RTN4: variants seen among roughly 807,000 people sequenced by gnomAD.
The protein encoded by RTN4 is reticulon-4.
In RTN4, 32 loss-of-function variants were observed where a neutral mutation model predicts 90.4. The observed-to-expected ratio is 0.35, with a 90% CI of 0.27 to 0.48. The LOEUF (loss-of-function observed/expected upper bound fraction) is 0.48, where lower values mean the gene tolerates loss of function less well. Ranked by LOEUF, RTN4 falls within the 20% of genes least tolerant of loss-of-function variation. RTN4 has a pLI of 0.99. For missense variants in RTN4, 1,706 were observed against 1,430.2 expected (o/e 1.19, Z -3.11); for synonymous variants, 629 against 552.5 (o/e 1.14, Z -1.94).
chr2:54,985,794 T>C (rs1678513762), intron 4 of RTN4, among the ~76,000 whole-genome samples: 1 of 152,216 alleles, frequency 6.6e-6, no homozygotes, highest in African/African-American at 2.4e-5. Context: ...CTGGATCATG[T>C]TGTAGGTAGG....
In RTN4 at chr2:54,976,192, G is replaced by C. The variant is rs3754767; in HGVS notation, c.3361-1428C>G. 3.2e-4 allele frequency among the ~76,000 whole-genome samples: 48 copies of C among 152,300 alleles called. 1 individual carries two copies. The East Asian group carries it at 8.7e-3, about 28-fold the overall frequency. On this transcript the variant is annotated intron_variant, in intron 5 of 8. Transcript: ENST00000337526. Reference sequence around the variant, plus strand: ...GATGCCCTTAACATGACAGAAGATAGTAACAAACACAAGCTAAAATAACTC... The same window carrying C: ...GATGCCCTTAACATGACAGAAGATACTAACAAACACAAGCTAAAATAACTC...
rs1558865053 is a variant in RTN4 at position 55,066,192 on chromosome 2, T to TG, written c.-63+14296_-63+14297insC. ...ATTTGTGTGTGTGTGTGTGTGTGTG[T>TG]TTGTGTGTGTGTGTGTGTGTGTGTG... On this transcript the variant is annotated intron_variant, in intron 2 of 3. Transcript: ENST00000427710. Among the ~76,000 whole-genome samples, 300 of 135,614 alleles carry TG rather than the reference T, an allele frequency of 2.2e-3. 2 individuals carry two copies. Among genetic ancestry groups the TG allele is most frequent in the Middle Eastern group, 3.6e-3 (1 of 280 alleles). 89.0% of individuals were successfully genotyped at this position (135,614 alleles called of 152,430 possible).
At chr2:55,109,929 A>C (rs1668006766) in intron 1 of RTN4, among the ~76,000 whole-genome samples, 1 of 152,216 alleles carries the variant, frequency 6.6e-6, no homozygotes, top group South Asian at 2.1e-4. Flanking sequence ...CTCTCTTCCA[A>C]AAAAGAGTGG....
At chr2:54,985,585 AAT>A (rs1678495155) in intron 4 of RTN4, among the ~76,000 whole-genome samples, 1 of 152,236 alleles carries the variant, frequency 6.6e-6, no homozygotes, top group Admixed American at 6.5e-5. Context: ...AACTTATTAA[AAT>A]ATGTACATAA....
intron 3 of RTN4, among the ~76,000 whole-genome samples, chr2:54,995,956 G>A (rs1028694718): frequency 1.3e-5 from 2 of 152,040 alleles, no homozygotes; most frequent in Non-Finnish European, 2.9e-5. Context: ...TCTGTTGTAT[G>A]TATTTTAAAA....
chr2:55,044,981 T>G (rs1425855959), intron 1 of RTN4, among the ~76,000 whole-genome samples: 1 of 152,148 alleles, frequency 6.6e-6, no homozygotes, highest in African/African-American at 2.4e-5. Flanking sequence ...ATGACTTTCT[T>G]GTGTTTAGAA....
intron 2 of RTN4, among the ~76,000 whole-genome samples, chr2:55,056,866 C>G (rs1460185808): frequency 6.6e-6 from 1 of 152,082 alleles, no homozygotes; most frequent in African/African-American, 2.4e-5. Flanking sequence ...AAACTCAGGC[C>G]TATGTAACAA....
At chr2:55,021,524 T>C (rs1681441398) in intron 3 of RTN4, among the ~76,000 whole-genome samples, 1 of 151,790 alleles carries the variant, frequency 6.6e-6, no homozygotes, top group African/African-American at 2.4e-5. Context: ...AGTCTCACTA[T>C]ATTGCCCAGG....
chr2:55,067,412 A>ATT lies in RTN4; in HGVS notation c.-63+13075_-63+13076dup, dbSNP rs10719347. Among the ~76,000 whole-genome samples the ATT allele has an allele frequency of 4.9e-3, 696 of 141,340 alleles. 5 individuals are homozygous for ATT. The highest frequency in any genetic ancestry group is 0.017 in the African/African-American group (665 of 38,712). The allele number at this position is 141,340 out of a possible 152,430, so 92.7% of individuals were successfully genotyped here. A position where few individuals can be genotyped will look rare whatever the true frequency, so the allele number is the denominator to read the frequency against. On this transcript the variant is annotated intron_variant, in intron 2 of 3. Coordinates refer to the RTN4 transcript ENST00000427710. ...TCAACTTTGCAGTAACCATATTGCA[A>ATT]TTTTTTTTTTTTTTTTTTAAGATAG...
chr2:55,136,572 A>T, the RTN4 span, among the ~76,000 whole-genome samples: 3 of 152,226 alleles, frequency 2.0e-5, no homozygotes, highest in African/African-American at 7.2e-5. Context: ...CCTCAGATGA[A>T]TTCTTTCGCC....
In RTN4 at chr2:55,002,058, T is replaced by C. The variant is rs113431437; in HGVS notation, c.3014-14360A>G. Reference sequence around the variant, plus strand: ...AGTCAATCAAATCTTATTTTATTTATTTATTTATTTATTTATTTAAGACAG... The same window carrying C: ...AGTCAATCAAATCTTATTTTATTTACTTATTTATTTATTTATTTAAGACAG... On this transcript the variant is annotated intron_variant, in intron 3 of 8. Coordinates refer to ENST00000337526, the MANE Select transcript of RTN4 (RefSeq NM_020532.5). Among the ~76,000 whole-genome samples the C allele has an allele frequency of 6.0e-3, 912 of 152,010 alleles. 7 individuals carry two copies. Among genetic ancestry groups the C allele is most frequent in the African/African-American group, 0.02 (846 of 41,492 alleles).
intron 4 of RTN4, among the ~76,000 whole-genome samples, chr2:54,983,630 C>A (rs1407881105): frequency 3.9e-5 from 6 of 152,188 alleles, no homozygotes; most frequent in Non-Finnish European, 8.8e-5. Context: ...ACAGTGCCAT[C>A]ACTCTATTTT....
At chr2:55,033,059 A>AG (rs1044438679) in intron 1 of RTN4, among the ~76,000 whole-genome samples, 29 of 151,672 alleles carry the variant, frequency 1.9e-4, no homozygotes, top group African/African-American at 6.5e-4. Context: ...TTAAAAAAAA[A>AG]AAAAAAGAAA....
At chr2:55,088,421 T>C (rs186176293) in intron 1 of RTN4, among the ~76,000 whole-genome samples, 33 of 152,382 alleles carry the variant, frequency 2.2e-4, no homozygotes, top group African/African-American at 7.5e-4. Flanking sequence ...TTCATATAAA[T>C]AATTTTCAAC....
intron 1 of RTN4, among the ~76,000 whole-genome samples, chr2:55,086,727 T>G (rs763421333): frequency 2.0e-4 from 31 of 152,066 alleles, no homozygotes; most frequent in Non-Finnish European, 3.7e-4. Flanking sequence ...TCAGAAGCCC[T>G]TTTGGGGCCC....
intron 5 of RTN4, among the ~76,000 whole-genome samples, chr2:54,978,882 TA>T (rs1677885564): frequency 6.6e-6 from 1 of 152,050 alleles, no homozygotes; most frequent in Admixed American, 6.5e-5. Context: ...TTAAACAAGG[TA>T]AATACATTTT....
intron 2 of RTN4, among the ~76,000 whole-genome samples, chr2:55,057,664 T>C (rs943320041): frequency 6.6e-6 from 1 of 152,080 alleles, no homozygotes; most frequent in Admixed American, 6.5e-5. Context: ...AAGAATGCGT[T>C]TGAGAAAGCG....
In RTN4 at chr2:55,035,625, T is replaced by G. The variant is rs575771668; in HGVS notation, c.557-7405A>C. Among the ~76,000 whole-genome samples the G allele has an allele frequency of 2.1e-5, 3 of 144,498 alleles. No homozygotes were observed. In the South Asian group the frequency reaches 6.5e-4, roughly 32 times the overall value. The allele number at this position is 144,498 out of a possible 152,430, so 94.8% of individuals were successfully genotyped here. The stretch of plus-strand genomic sequence containing the variant: ...CAGAAACCAATGATAGAAAACAGAT[T>G]AAAAAAAAAAATCAATGAAACAAAA... On this transcript the variant is annotated intron_variant, in intron 1 of 8. Transcript: ENST00000337526.
At chr2:54,990,836 A>G (rs1678947768) in intron 3 of RTN4, among the ~76,000 whole-genome samples, 1 of 151,764 alleles carries the variant, frequency 6.6e-6, no homozygotes, top group Admixed American at 6.6e-5. Flanking sequence ...CCCGGGCTGG[A>G]GTGCAGTGGC....
Sources: gnomAD v4.1 joint callset for allele counts (sites outside exome capture counted in the v4.1 genomes callset) on GRCh38, gnomAD v4.1.1 for gene constraint, MANE v1.5 for transcripts, NCBI Gene and HGNC (gene_info 2026-07-23, HGNC 2026-07-21) for gene names.